PRKG1: variants seen among roughly 807,000 people sequenced by gnomAD.
PRKG1 encodes the protein protein kinase cGMP-dependent 1, also known as cGMP-dependent protein kinase 1.
In PRKG1, 35 loss-of-function variants were observed where a neutral mutation model predicts 88.1. The observed-to-expected ratio is 0.40, with a 90% confidence interval of 0.30 to 0.53. PRKG1 has a LOEUF of 0.53. PRKG1 is among the 20% of genes least tolerant of loss of function. The pLI is 0.59. For missense variants in PRKG1, 540 were observed against 839.8 expected, an observed-to-expected ratio of 0.64 and a Z score of 4.41; for synonymous variants, 303 against 292.5, an observed-to-expected ratio of 1.04 and a Z score of -0.37.
chr10:52,123,334 G>T (rs548645177), intron 7 of PRKG1, among the ~76,000 whole-genome samples: 1 of 152,228 alleles, frequency 6.6e-6, no homozygotes, highest in South Asian at 2.1e-4. Context: ...ACATGACCAG[G>T]AAGAATAAAC....
intron 3 of PRKG1, among the ~76,000 whole-genome samples, chr10:51,522,314 C>T (rs1468065095): frequency 6.6e-6 from 1 of 152,132 alleles, no homozygotes; most frequent in Non-Finnish European, 1.5e-5. Flanking sequence ...TTACAACCAT[C>T]ACATAGGTAT....
At chr10:51,588,530 A>G (rs993743838) in intron 3 of PRKG1, among the ~76,000 whole-genome samples, 43 of 152,208 alleles carry the variant, frequency 2.8e-4, no homozygotes, top group African/African-American at 1.0e-3. Context: ...GTTTATAGCC[A>G]AAGTATTCAT....
chr10:51,127,986 A>G (rs75239849), intron 1 of PRKG1, among the ~76,000 whole-genome samples: 1 of 152,270 alleles, frequency 6.6e-6, no homozygotes, highest in Non-Finnish European at 1.5e-5. Flanking sequence ...AAGGGAGAGC[A>G]TTAGGACAAA....
intron 9 of PRKG1, among the ~76,000 whole-genome samples, chr10:52,202,372 T>C (rs937184447): frequency 6.6e-5 from 10 of 152,168 alleles, no homozygotes; most frequent in Non-Finnish European, 1.0e-4. Context: ...TACTGAACTA[T>C]CCTTGCATCC....
At chr10:51,800,830 T>G (rs1839153475) in intron 3 of PRKG1, among the ~76,000 whole-genome samples, 2 of 152,044 alleles carry the variant, frequency 1.3e-5, no homozygotes, top group African/African-American at 4.8e-5. Flanking sequence ...ACTAATCCCA[T>G]CATGTGTGCT....
chr10:51,000,934 G>T (rs1842882605), intron 1 of PRKG1, among the ~76,000 whole-genome samples: 1 of 152,172 alleles, frequency 6.6e-6, no homozygotes, highest in South Asian at 2.1e-4. Flanking sequence ...CTCTGTATCT[G>T]TGTTTGAATG....
intron 9 of PRKG1, among the ~76,000 whole-genome samples, chr10:52,198,813 A>AGTGT (rs3031003): frequency 0.019 from 2,792 of 148,798 alleles, 47 homozygotes; most frequent in African/African-American, 0.047. Context: ...TTGGGGTGTG[A>AGTGT]GTGTGTGTGT....
intron 1 of PRKG1, among the ~76,000 whole-genome samples, chr10:51,107,568 C>T (rs931838231): frequency 5.9e-5 from 9 of 151,756 alleles, no homozygotes; most frequent in South Asian, 2.1e-4. Context: ...CATCTGGGCG[C>T]GTTCATGCCT....
intron 3 of PRKG1, among the ~76,000 whole-genome samples, chr10:51,597,771 G>T (rs890996233): frequency 4.6e-5 from 7 of 151,958 alleles, no homozygotes; most frequent in African/African-American, 1.7e-4. Context: ...AAACAAAATG[G>T]AAAAAATACG....
At chr10:51,084,746 A>G (rs1257509400) in intron 1 of PRKG1, among the ~76,000 whole-genome samples, 2 of 152,212 alleles carry the variant, frequency 1.3e-5, no homozygotes, top group East Asian at 1.9e-4. Flanking sequence ...CCTACTGTTA[A>G]GAAGTAACAT....
At chr10:51,631,450 G>A (rs1230225364) in intron 3 of PRKG1, among the ~76,000 whole-genome samples, 2 of 152,146 alleles carry the variant, frequency 1.3e-5, no homozygotes, top group Non-Finnish European at 2.9e-5. Context: ...TACAATTGAA[G>A]TACATCAACC....
At chr10:52,267,628 C>T (rs1841609816) in intron 10 of PRKG1, among the ~76,000 whole-genome samples, 2 of 152,066 alleles carry the variant, frequency 1.3e-5, no homozygotes, top group Admixed American at 6.6e-5. Context: ...ATTTATTTCA[C>T]ATATAGATGT....
intron 3 of PRKG1, among the ~76,000 whole-genome samples, chr10:51,768,080 A>G (rs1838215482): frequency 1.3e-5 from 2 of 152,160 alleles, no homozygotes; most frequent in East Asian, 1.9e-4. Flanking sequence ...AAATATCTTC[A>G]AAATTGAATC....
At chr10:52,007,387 C>T (rs1305647393) in intron 5 of PRKG1, among the ~76,000 whole-genome samples, 3 of 152,000 alleles carry the variant, frequency 2.0e-5, no homozygotes, top group Admixed American at 6.6e-5. Flanking sequence ...AGACCCACCT[C>T]ATATACAATA....
rs545022021 is a variant in PRKG1, at chr10:52,174,612, T to C, written c.1076+12649T>C. Among the ~76,000 whole-genome samples, 3 of 152,122 alleles carry C rather than the reference T, an allele frequency of 2.0e-5. No homozygotes were observed. In the East Asian group the frequency reaches 5.8e-4, roughly 29 times the overall value. ...AACTATAGCATTAAAAATAATTGCA[T>C]TATATGGGTTGTGTCTCTATTGCTC... is the stretch of plus-strand genomic sequence containing the variant. On this transcript the variant is annotated intron_variant, in intron 9 of 17. Coordinates refer to ENST00000373980, the MANE Select transcript of PRKG1 (RefSeq NM_006258.4).
At chr10:51,238,599 TA>T (rs1325095433) in intron 2 of PRKG1, among the ~76,000 whole-genome samples, 2 of 145,374 alleles carry the variant, frequency 1.4e-5, no homozygotes, top group East Asian at 4.0e-4. Flanking sequence ...AATAAAAAAA[TA>T]AAAAAAGTCA....
intron 1 of PRKG1, among the ~76,000 whole-genome samples, chr10:51,109,228 A>G (rs1327548855): frequency 6.6e-6 from 1 of 152,160 alleles, no homozygotes; most frequent in African/African-American, 2.4e-5. Flanking sequence ...TTGATAGACT[A>G]ATTTTAAAAT....
At chr10:51,327,387 A>C (rs1841619627) in intron 2 of PRKG1, among the ~76,000 whole-genome samples, 1 of 151,146 alleles carries the variant, frequency 6.6e-6, no homozygotes, top group Non-Finnish European at 1.5e-5. Flanking sequence ...ACTGTACTCC[A>C]GTCTGGGCTA....
chr10:51,254,518 T>A (rs189893944), intron 2 of PRKG1, among the ~76,000 whole-genome samples: 1 of 152,058 alleles, frequency 6.6e-6, no homozygotes, highest in East Asian at 1.9e-4. Flanking sequence ...AGGGGTGAAT[T>A]TTGTAATCAC....
Sources: gnomAD v4.1 joint callset for allele counts (sites outside exome capture counted in the v4.1 genomes callset) on GRCh38, gnomAD v4.1.1 for gene constraint, MANE v1.5 for transcripts, NCBI Gene and HGNC (gene_info 2026-07-23, HGNC 2026-07-21) for gene names.